The following HDAC9 variants were observed in gnomAD, a reference collection of about 807,000 sequenced individuals.
HDAC9 encodes the protein histone deacetylase 9, also known as MEF-2 interacting transcription repressor (MITR) protein.
A neutral mutation model predicts 139.4 loss-of-function variants in HDAC9; 41 were observed. The observed-to-expected ratio is 0.29, with a 90% confidence interval of 0.23 to 0.38. The LOEUF is 0.38. Ranked by LOEUF, HDAC9 falls within the 10% of genes least tolerant of loss-of-function variation. HDAC9 has a pLI of 1.00. For synonymous variants in HDAC9, 517 were observed against 476.2 expected (o/e 1.09, Z -1.12); for missense variants, 1,147 against 1,297.0 (o/e 0.88, Z 1.78).
intron 1 of HDAC9, among the ~76,000 whole-genome samples, chr7:18,130,245 T>C (rs1395362622): frequency 6.6e-6 from 1 of 152,066 alleles, no homozygotes; most frequent in Middle Eastern, 3.2e-3. Context: ...TTTTGGAGCA[T>C]TTTGGATTTC....
intron 2 of HDAC9, among the ~76,000 whole-genome samples, chr7:18,564,684 C>G (rs1005902807): frequency 6.6e-6 from 1 of 151,910 alleles, no homozygotes; most frequent in South Asian, 2.1e-4. Flanking sequence ...GCCTCTATAC[C>G]TATTCCTTTT....
At chr7:18,566,224 C>T (rs1822296240) in intron 2 of HDAC9, among the ~76,000 whole-genome samples, 1 of 152,198 alleles carries the variant, frequency 6.6e-6, no homozygotes, top group Non-Finnish European at 1.5e-5. Flanking sequence ...ATACCACAAT[C>T]AAGGAATAAA....
chr7:18,777,231 A>C (rs1790846998), intron 16 of HDAC9, among the ~76,000 whole-genome samples: 2 of 152,030 alleles, frequency 1.3e-5, no homozygotes, highest in South Asian at 2.1e-4. Flanking sequence ...TTATGTGGAC[A>C]TACTTTTCTT....
intron 25 of HDAC9, among the ~76,000 whole-genome samples, chr7:18,977,919 GAC>G (rs147049392): frequency 0.083 from 11,663 of 140,882 alleles, 521 homozygotes; most frequent in African/African-American, 0.13. Context: ...CAGACAGACA[GAC>G]ACACACACAC....
At chr7:18,771,975 A>T (rs1790336296) in intron 16 of HDAC9, among the ~76,000 whole-genome samples, 1 of 152,170 alleles carries the variant, frequency 6.6e-6, no homozygotes, top group South Asian at 2.1e-4. Flanking sequence ...TGATGACTAG[A>T]CAAGGTGCAG....
chr7:18,347,652 C>T (rs1046289459), intron 1 of HDAC9, among the ~76,000 whole-genome samples: 1 of 152,090 alleles, frequency 6.6e-6, no homozygotes, highest in Non-Finnish European at 1.5e-5. Context: ...GTTGCCCAAG[C>T]TGGAATGCAA....
chr7:18,923,845 G>A (rs538760145), intron 22 of HDAC9, among the ~76,000 whole-genome samples: 104 of 152,052 alleles, frequency 6.8e-4, no homozygotes, highest in African/African-American at 2.0e-3. Context: ...GATCCAATAC[G>A]CTATGGAATA....
intron 1 of HDAC9, among the ~76,000 whole-genome samples, chr7:18,471,737 G>A (rs536347507): frequency 6.6e-6 from 1 of 152,154 alleles, no homozygotes; most frequent in South Asian, 2.1e-4. Context: ...CCAGCTAAGG[G>A]CAAGTGCCTG....
chr7:18,837,733 G>A (rs112916153), intron 21 of HDAC9, among the ~76,000 whole-genome samples: 11 of 152,106 alleles, frequency 7.2e-5, no homozygotes, highest in Admixed American at 2.6e-4. Flanking sequence ...CAAAGTGAGC[G>A]GTGGATGAGA....
chr7:18,174,394 C>T (rs776445235), intron 2 of HDAC9, among the ~76,000 whole-genome samples: 1 of 152,172 alleles, frequency 6.6e-6, no homozygotes, highest in African/African-American at 2.4e-5. Flanking sequence ...TGGGTTCGAA[C>T]ATCCTCCTTT....
chr7:18,669,375 A>T (rs1278890850), intron 12 of HDAC9, among the ~76,000 whole-genome samples: 1 of 151,836 alleles, frequency 6.6e-6, no homozygotes, highest in African/African-American at 2.4e-5. Context: ...TAGTAATTAA[A>T]TGATCTCCCC....
At chr7:18,795,847 G>A (rs2129180963) in intron 17 of HDAC9, among the ~76,000 whole-genome samples, 1 of 152,326 alleles carries the variant, frequency 6.6e-6, no homozygotes, top group South Asian at 2.1e-4. Flanking sequence ...ACTCAAATAT[G>A]ATGGGGCTGA....
intron 15 of HDAC9, 32 bp downstream of exon 15, chr7:18,762,309 G>C: frequency 6.2e-7 from 1 of 1,606,342 alleles, no homozygotes; most frequent in Non-Finnish European, 8.5e-7. Context: ...ACTGGGAACA[G>C]CACATTCCAG....
At chr7:18,788,882 G>C (rs1562942367) in intron 16 of HDAC9, among the ~76,000 whole-genome samples, 3 of 151,680 alleles carry the variant, frequency 2.0e-5, no homozygotes, top group African/African-American at 7.3e-5. Flanking sequence ...TGTTTGTGCC[G>C]CACCCCTTGA....
In HDAC9 at chr7:18,794,224, A is replaced by G. The variant is rs553043956; in HGVS notation, c.2322+772A>G. Among the ~76,000 whole-genome samples the G allele has an allele frequency of 4.6e-5, 7 of 152,342 alleles. No individual in the cohort carries two copies. In the East Asian group the frequency reaches 9.7e-4, roughly 21 times the overall value. On this transcript the variant is annotated intron_variant, in intron 17 of 25. Coordinates refer to ENST00000686413, the MANE Select transcript of HDAC9 (RefSeq NM_178425.4). ...ACTAGTTCACACACTTCATGACGCA[A>G]TCTGGGTCGTGATTGATTCGGTATT...
intron 22 of HDAC9, among the ~76,000 whole-genome samples, chr7:18,885,655 G>A (rs908714544): frequency 1.3e-5 from 2 of 152,010 alleles, no homozygotes; most frequent in Non-Finnish European, 1.5e-5. Context: ...GGTTTAATGG[G>A]TTATTAAAAA....
At chr7:18,796,712 T>C (rs1792833845) in intron 17 of HDAC9, among the ~76,000 whole-genome samples, 2 of 152,206 alleles carry the variant, frequency 1.3e-5, no homozygotes, top group Admixed American at 1.3e-4. Flanking sequence ...ATTGGAAGAA[T>C]AATTATCTCA....
intron 13 of HDAC9, among the ~76,000 whole-genome samples, chr7:18,744,401 A>G (rs1039859813): frequency 6.6e-5 from 10 of 152,194 alleles, no homozygotes; most frequent in African/African-American, 2.4e-4. Context: ...GGAGAATGCC[A>G]TGTCATATAT....
intron 1 of HDAC9, among the ~76,000 whole-genome samples, chr7:18,106,014 A>G (rs1004031719): frequency 1.3e-5 from 2 of 152,202 alleles, no homozygotes; most frequent in Non-Finnish European, 2.9e-5. Context: ...TATAGGAAAT[A>G]GCCAAAGACT....
Sources: gnomAD v4.1 joint callset for allele counts (sites outside exome capture counted in the v4.1 genomes callset) on GRCh38, gnomAD v4.1.1 for gene constraint, MANE v1.5 for transcripts, NCBI Gene and HGNC (gene_info 2026-07-23, HGNC 2026-07-21) for gene names.